Variants in NPAS3 observed in about 807,000 individuals in gnomAD.
NPAS3 encodes the protein neuronal PAS domain protein 3.
Under a neutral mutation model 73.1 loss-of-function variants are expected in NPAS3, and 14 were observed. The ratio of observed to expected loss-of-function variants is 0.19; its 90% CI spans 0.13 to 0.30. NPAS3 has a LOEUF of 0.30. Among genes scored for constraint, NPAS3 ranks in the 10% least tolerant of loss-of-function variants. NPAS3 has a pLI of 1.00. For missense variants in NPAS3, 1,096 were observed against 1,250.0 expected, an observed-to-expected ratio of 0.88 and a Z score of 1.86; for synonymous variants, 620 against 541.5, an observed-to-expected ratio of 1.14 and a Z score of -2.01.
intron 3 of NPAS3, among the ~76,000 whole-genome samples, chr14:33,302,019 C>T (rs559268076): frequency 2.6e-5 from 4 of 152,234 alleles, no homozygotes; most frequent in South Asian, 2.1e-4. Flanking sequence ...CCTTCCCCTC[C>T]GGAGGGGTGG....
At chr14:33,627,196 T>C (rs17101636) in intron 5 of NPAS3, among the ~76,000 whole-genome samples, 1 of 152,058 alleles carries the variant, frequency 6.6e-6, no homozygotes, top group Non-Finnish European at 1.5e-5. Context: ...CACAGCATTG[T>C]TGAGGAAACG....
intron 1 of NPAS3, among the ~76,000 whole-genome samples, chr14:32,972,372 G>A (rs1230702036): frequency 6.6e-6 from 1 of 152,162 alleles, no homozygotes; most frequent in Non-Finnish European, 1.5e-5. Flanking sequence ...GTAAGATTTA[G>A]TTTAAAAAAT....
intron 4 of NPAS3, among the ~76,000 whole-genome samples, chr14:33,443,530 AC>A (rs1229090878): frequency 6.6e-6 from 1 of 152,228 alleles, no homozygotes; most frequent in Non-Finnish European, 1.5e-5. Flanking sequence ...AAGATACATG[AC>A]ATGCCTGGAG....
chr14:33,082,660 T>C lies in NPAS3; in HGVS notation c.140+26666T>C, dbSNP rs1044107984. ...AGAAATGAATTCTTAGGATAGGAAG[T>C]ATAAAGCAGTGGTTATAAACACCAA... On this transcript the variant is annotated intron_variant, in intron 2 of 11. Transcript: ENST00000356141. Among the ~76,000 whole-genome samples the C allele has an allele frequency of 3.3e-5, 5 of 152,304 alleles. No homozygotes were observed. The East Asian group carries it at 9.7e-4, about 29-fold the overall frequency.
intron 1 of NPAS3, among the ~76,000 whole-genome samples, chr14:33,022,756 C>T (rs1165890524): frequency 2.6e-5 from 4 of 151,416 alleles, no homozygotes; most frequent in East Asian, 1.9e-4. Context: ...TTACAATGCT[C>T]TCCTTCCCCT....
intron 6 of NPAS3, among the ~76,000 whole-genome samples, chr14:33,708,470 A>T (rs1210025014): frequency 2.0e-5 from 3 of 152,192 alleles, no homozygotes; most frequent in African/African-American, 7.2e-5. Flanking sequence ...GTTACATCTT[A>T]AAAACTAGTT....
intron 6 of NPAS3, among the ~76,000 whole-genome samples, chr14:33,712,087 A>C (rs1477363357): frequency 6.6e-6 from 1 of 152,156 alleles, no homozygotes; most frequent in Non-Finnish European, 1.5e-5. Context: ...GCAAATTGAC[A>C]TGCAAATAAG....
chr14:33,113,277 A>G (rs2042955383), intron 2 of NPAS3, among the ~76,000 whole-genome samples: 1 of 152,062 alleles, frequency 6.6e-6, no homozygotes. Flanking sequence ...CATTTTCATG[A>G]TATTGATTCT....
At chr14:33,046,572 G>A (rs2040513362) in intron 1 of NPAS3, among the ~76,000 whole-genome samples, 1 of 152,178 alleles carries the variant, frequency 6.6e-6, no homozygotes, top group South Asian at 2.1e-4. Context: ...CTTGGTGACT[G>A]CTTGCAAGTG....
intron 5 of NPAS3, among the ~76,000 whole-genome samples, chr14:33,672,875 A>G (rs2059651355): frequency 6.6e-6 from 1 of 152,220 alleles, no homozygotes; most frequent in Non-Finnish European, 1.5e-5. Flanking sequence ...GTATTAATAG[A>G]TGGTTTTTAA....
At chr14:33,745,804 T>C (rs1340364558) in intron 7 of NPAS3, among the ~76,000 whole-genome samples, 6 of 152,238 alleles carry the variant, frequency 3.9e-5, no homozygotes, top group Admixed American at 2.6e-4. Context: ...GTGTCCTGAA[T>C]ATTGATTTGA....
intron 5 of NPAS3, among the ~76,000 whole-genome samples, chr14:33,635,075 A>G (rs1443884660): frequency 6.6e-6 from 1 of 152,200 alleles, no homozygotes; most frequent in Non-Finnish European, 1.5e-5. Context: ...TGGTGGAGAA[A>G]AGCGGGGCCC....
chr14:33,252,057 CTGTGTGTGTGTG>C (rs3057325), intron 3 of NPAS3, among the ~76,000 whole-genome samples: 28 of 145,316 alleles, frequency 1.9e-4, no homozygotes, highest in African/African-American at 5.9e-4. Context: ...GTGTGTGTGT[CTGTGTGTGTGTG>C]TGTGTGTGTG....
At chr14:33,738,352 A>G (rs75271634) in intron 7 of NPAS3, among the ~76,000 whole-genome samples, 288 of 152,324 alleles carry the variant, frequency 1.9e-3, no homozygotes, top group Middle Eastern at 3.4e-3. Flanking sequence ...GCTCAGCATG[A>G]GCTGACCTCA....
At chr14:33,202,168 G>A (rs1005239217) in intron 2 of NPAS3, among the ~76,000 whole-genome samples, 4 of 152,038 alleles carry the variant, frequency 2.6e-5, no homozygotes, top group East Asian at 1.9e-4. Context: ...CTGAAAGGCC[G>A]GGGTGGGCAG....
chr14:33,388,446 G>A lies in NPAS3; in HGVS notation c.468+21178G>A, dbSNP rs546168681. The stretch of plus-strand genomic sequence containing the variant: ...TTTACCCCCAGGGAAATAGGCACTC[G>A]TGAAAAAAAAATTAATTTGGAAATA... On this transcript the variant is annotated intron_variant, in intron 4 of 11. Transcript: ENST00000356141. Among the ~76,000 whole-genome samples, 20 of 149,674 alleles carry A rather than the reference G, an allele frequency of 1.3e-4. No homozygotes were observed. In the East Asian group the frequency reaches 2.5e-3, roughly 18 times the overall value.
intron 4 of NPAS3, among the ~76,000 whole-genome samples, chr14:33,416,310 T>G (rs1194685756): frequency 6.6e-6 from 1 of 151,950 alleles, no homozygotes. Context: ...GGAAAAAAAA[T>G]AATTTATCTT....
chr14:33,710,847 T>C (rs1238099293), intron 6 of NPAS3, among the ~76,000 whole-genome samples: 1 of 152,210 alleles, frequency 6.6e-6, no homozygotes, highest in African/African-American at 2.4e-5. Flanking sequence ...GAACATATCT[T>C]ACAAACAAAC....
chr14:33,531,300 A>G (rs990965443), intron 4 of NPAS3, among the ~76,000 whole-genome samples: 3 of 152,148 alleles, frequency 2.0e-5, no homozygotes, highest in Non-Finnish European at 4.4e-5. Flanking sequence ...ACCCATCACA[A>G]TCTACATACA....
Sources: allele counts gnomAD v4.1 joint callset (sites outside exome capture counted in the v4.1 genomes callset), GRCh38; gene constraint gnomAD v4.1.1; transcripts MANE v1.5; gene names NCBI Gene and HGNC (gene_info 2026-07-23, HGNC 2026-07-21).